The following MFHAS1 variants were observed in gnomAD, a reference collection of about 807,000 sequenced individuals.
MFHAS1 encodes malignant fibrous histiocytoma-amplified sequence 1.
Under a neutral mutation model 70.4 loss-of-function variants are expected in MFHAS1, and 50 were observed. The ratio of observed to expected loss-of-function variants is 0.71; its 90% CI spans 0.57 to 0.90. The LOEUF (loss-of-function observed/expected upper bound fraction) is 0.90, where lower values mean the gene tolerates loss of function less well. Among genes scored for constraint, MFHAS1 ranks in the 40% least tolerant of loss-of-function variants. The probability of loss-of-function intolerance (pLI) is 0.00; values close to 1 mark genes in which losing one functional copy is unlikely to be tolerated. For synonymous variants in MFHAS1, 952 were observed against 620.0 expected, an observed-to-expected ratio of 1.54 and a Z score of -7.96; for missense variants, 1,795 against 1,347.6, an observed-to-expected ratio of 1.33 and a Z score of -5.20.
rs1466604500 is a variant in MFHAS1 at position 8,784,418 on chromosome 8, A to G, written c.*1604T>C. On this transcript the variant is annotated 3_prime_UTR_variant, in exon 3 of 3. Transcript: ENST00000276282. ...GAGGTGTCCTATTCAAGTATTAAAA[A>G]AATGCAAACATCGTCTGATCCCATT... 6.6e-6 allele frequency: 1 copy of G among 152,238 alleles called. No individual in the cohort carries two copies. The highest frequency in any genetic ancestry group is 2.4e-5 in the African/African-American group (1 of 41,458). The allele number at this position is 152,238 out of a possible 1,614,324, so 9.4% of individuals were successfully genotyped here.
At chr8:8,880,917 T>C (rs1809497903) in intron 1 of MFHAS1, among the ~76,000 whole-genome samples, 1 of 152,010 alleles carries the variant, frequency 6.6e-6, no homozygotes, top group South Asian at 2.1e-4. Flanking sequence ...ACTCCTGACC[T>C]CAAGTGATCC....
intron 1 of MFHAS1, among the ~76,000 whole-genome samples, chr8:8,817,984 G>C (rs1051584809): frequency 2.0e-5 from 3 of 152,128 alleles, no homozygotes; most frequent in Non-Finnish European, 4.4e-5. Flanking sequence ...GTGGCCCGGG[G>C]ACTGAGGACC....
intron 2 of MFHAS1, among the ~76,000 whole-genome samples, chr8:8,791,426 C>G (rs1003905779): frequency 6.6e-6 from 1 of 152,022 alleles, no homozygotes; most frequent in Non-Finnish European, 1.5e-5. Context: ...GTCTTTTACC[C>G]AAAAATCAGT....
At chr8:8,818,522 G>A (rs1432544281) in intron 1 of MFHAS1, among the ~76,000 whole-genome samples, 2 of 152,180 alleles carry the variant, frequency 1.3e-5, no homozygotes, top group African/African-American at 4.8e-5. Flanking sequence ...ATAACCCTGT[G>A]GAACTGACTT....
intron 1 of MFHAS1, among the ~76,000 whole-genome samples, chr8:8,870,445 G>A (rs933905486): frequency 3.3e-5 from 5 of 152,110 alleles, no homozygotes; most frequent in African/African-American, 9.7e-5. Flanking sequence ...CAGCCTAAAT[G>A]ACAGAGCAAG....
At chr8:8,842,738 G>A (rs528372009) in intron 1 of MFHAS1, among the ~76,000 whole-genome samples, 1 of 152,104 alleles carries the variant, frequency 6.6e-6, no homozygotes, top group African/African-American at 2.4e-5. Flanking sequence ...CGGACAGCAC[G>A]TTAAAGCTAG....
chr8:8,811,188 G>A (rs189309758), intron 1 of MFHAS1, among the ~76,000 whole-genome samples: 15 of 152,152 alleles, frequency 9.9e-5, no homozygotes, highest in Non-Finnish European at 2.2e-4. Context: ...CGGGACTTGA[G>A]GCCATTTGAA....
At chr8:8,838,698 A>C (rs1392176804) in intron 1 of MFHAS1, among the ~76,000 whole-genome samples, 2 of 152,088 alleles carry the variant, frequency 1.3e-5, no homozygotes, top group East Asian at 3.9e-4. Context: ...CTGTAATTCC[A>C]GCTACTCAGG....
At chr8:8,801,627 A>G (rs1806087694) in intron 1 of MFHAS1, among the ~76,000 whole-genome samples, 1 of 152,270 alleles carries the variant, frequency 6.6e-6, no homozygotes, top group African/African-American at 2.4e-5. Flanking sequence ...TGTGCTATCT[A>G]GCAAAACAGA....
intron 1 of MFHAS1, among the ~76,000 whole-genome samples, chr8:8,809,584 G>A (rs376112158): frequency 1.8e-4 from 27 of 152,136 alleles, no homozygotes; most frequent in African/African-American, 6.0e-4. Context: ...CATTTTGCTC[G>A]CTAAGGGTTT....
chr8:8,834,081 G>A (rs186591157), intron 1 of MFHAS1, among the ~76,000 whole-genome samples: 2 of 151,950 alleles, frequency 1.3e-5, no homozygotes, highest in Middle Eastern at 3.4e-3. Flanking sequence ...AGCCAAGATC[G>A]TGCCACTGCA....
In MFHAS1 at chr8:8,853,716, G is replaced by A. The variant is rs188239895; in HGVS notation, c.2998+36345C>T. Among the ~76,000 whole-genome samples, 128 of 152,238 alleles carry A rather than the reference G, an allele frequency of 8.4e-4. 1 individual carries two copies. The highest frequency in any genetic ancestry group is 1.1e-3 in the Non-Finnish European group (76 of 68,016). On this transcript the variant is annotated intron_variant, in intron 1 of 2. Coordinates refer to ENST00000276282, the MANE Select transcript of MFHAS1 (RefSeq NM_004225.3). Reference sequence around the variant, plus strand: ...TGAGTAGCTGAGATTACAGCTATGCGCCACCACTCCTGGCAAATTTTGTGT... The same window carrying A: ...TGAGTAGCTGAGATTACAGCTATGCACCACCACTCCTGGCAAATTTTGTGT...
At position 8,863,649 on chromosome 8, in the gene MFHAS1, C is replaced by A. The variant is rs376315049; in HGVS notation, c.2998+26412G>T. ...ACCATCTGATTCCTACCTATTTGGA[C>A]TTCCTCAGAGAATCATTTCCCTAAC... On this transcript the variant is annotated intron_variant, in intron 1 of 2. Coordinates refer to ENST00000276282, the MANE Select transcript of MFHAS1 (RefSeq NM_004225.3). Among the ~76,000 whole-genome samples the A allele has an allele frequency of 2.6e-5, 4 of 152,296 alleles. No homozygotes were observed. In the East Asian group the frequency reaches 5.8e-4, roughly 22 times the overall value.
At chr8:8,879,262 A>G (rs1336293436) in intron 1 of MFHAS1, among the ~76,000 whole-genome samples, 1 of 152,064 alleles carries the variant, frequency 6.6e-6, no homozygotes, top group African/African-American at 2.4e-5. Flanking sequence ...GAGGCAGGAG[A>G]ATCACTTGAA....
At chr8:8,841,610 A>G (rs1807828667) in intron 1 of MFHAS1, among the ~76,000 whole-genome samples, 1 of 152,154 alleles carries the variant, frequency 6.6e-6, no homozygotes, top group African/African-American at 2.4e-5. Context: ...AGTCGAGTGG[A>G]GGACTTTTAT....
At chr8:8,806,012 G>T (rs1214223266) in intron 1 of MFHAS1, among the ~76,000 whole-genome samples, 3 of 143,918 alleles carry the variant, frequency 2.1e-5, no homozygotes, top group African/African-American at 8.9e-5. Flanking sequence ...TTGGGGGTTT[G>T]TTTGTTTTGT....
chr8:8,856,806 C>T (rs1250374104), intron 1 of MFHAS1, among the ~76,000 whole-genome samples: 1 of 151,954 alleles, frequency 6.6e-6, no homozygotes, highest in African/African-American at 2.4e-5. Context: ...AGCCAGATTC[C>T]TGTCACCGGC....
At chr8:8,815,383 G>A (rs1473249317) in intron 1 of MFHAS1, among the ~76,000 whole-genome samples, 2 of 152,130 alleles carry the variant, frequency 1.3e-5, no homozygotes, top group Non-Finnish European at 2.9e-5. Flanking sequence ...TATATACCCA[G>A]TAATGGAATT....
chr8:8,819,381 G>A (rs940571333), intron 1 of MFHAS1, among the ~76,000 whole-genome samples: 16 of 152,008 alleles, frequency 1.1e-4, no homozygotes, highest in East Asian at 7.7e-4. Flanking sequence ...CGAGGTGGGC[G>A]GATCACGAGG....
Sources: gnomAD v4.1 joint callset for allele counts (sites outside exome capture counted in the v4.1 genomes callset) on GRCh38, gnomAD v4.1.1 for gene constraint, MANE v1.5 for transcripts, NCBI Gene and HGNC (gene_info 2026-07-23, HGNC 2026-07-21) for gene names.